Variants in SLC27A1 observed in about 807,000 individuals in gnomAD.
SLC27A1 encodes the protein solute carrier family 27 member 1, also known as long-chain fatty acid transport protein 1.
SLC27A1 carries 61 observed loss-of-function variants against 62.2 expected under a neutral mutation model. The ratio of observed to expected loss-of-function variants is 0.98; its 90% CI spans 0.80 to 1.21. SLC27A1 has a LOEUF of 1.21. Among genes scored for constraint, SLC27A1 ranks in the 50% most tolerant of loss-of-function variants. The pLI is 0.00. For missense variants in SLC27A1, 903 were observed against 932.1 expected, an observed-to-expected ratio of 0.97 and a Z score of 0.41; for synonymous variants, 435 against 408.6, an observed-to-expected ratio of 1.06 and a Z score of -0.78.
intron 1 of SLC27A1, among the ~76,000 whole-genome samples, chr19:17,484,890 C>A (rs1399114694): frequency 6.6e-6 from 1 of 152,100 alleles, no homozygotes; most frequent in Non-Finnish European, 1.5e-5. Flanking sequence ...GATTTTGATG[C>A]AGAAGCTGGA....
At chr19:17,477,599 C>A (rs1480514453) in intron 1 of SLC27A1, among the ~76,000 whole-genome samples, 2 of 151,564 alleles carry the variant, frequency 1.3e-5, no homozygotes, top group African/African-American at 2.4e-5. Context: ...ATTGCCCAGG[C>A]TGGAGTGCAG....
chr19:17,501,012 G>A (rs534360395), intron 10 of SLC27A1, 136 bp downstream of exon 10: 1 of 1,139,004 alleles, frequency 8.8e-7, no homozygotes, highest in South Asian at 1.6e-5. Context: ...AGGAAGCACT[G>A]GATCTGGAGC....
At chr19:17,500,246 G>A (rs962342840) in intron 7 of SLC27A1, 32 bp from the exon 8 acceptor site, 13 of 1,606,780 alleles carry the variant, frequency 8.1e-6, no homozygotes, top group Middle Eastern at 1.7e-4. Context: ...GCATATCCCC[G>A]GCTCCTTCCA....
At chr19:17,500,092 T>G in intron 7 of SLC27A1, 186 bp from the exon 8 acceptor site, 1 of 865,292 alleles carries the variant, frequency 1.2e-6, no homozygotes. Flanking sequence ...GCTGGGAAGG[T>G]GGGAGGAGGG....
intron 1 of SLC27A1, among the ~76,000 whole-genome samples, chr19:17,481,224 G>C (rs1302940648): frequency 6.6e-6 from 1 of 151,820 alleles, no homozygotes; most frequent in Non-Finnish European, 1.5e-5. Flanking sequence ...TGGGCCCGGC[G>C]GTGTTTGGAT....
In SLC27A1 at chr19:17,487,296, A is replaced by G. The variant is rs374057877; in HGVS notation, c.685A>G (p.Thr229Ala). 2 of 1,613,284 alleles carry G rather than the reference A, an allele frequency of 1.2e-6. No homozygotes were observed. Among genetic ancestry groups the G allele is most frequent in the Non-Finnish European group, 1.7e-6 (2 of 1,179,732 alleles). ...LLDPLLKEAS[T>A]APLAQIPSKG... ...GGACCCGCTGCTGAAGGAGGCCTCTACTGCCCCCTTGGCACAGATCCCCAG... is the reference window on the plus strand; with the variant it reads ...GGACCCGCTGCTGAAGGAGGCCTCTGCTGCCCCCTTGGCACAGATCCCCAG... The change falls in exon 3 of 12, where the codon ACT (threonine) becomes GCT (alanine). Residue 229 changes from threonine (T) to alanine (A), a missense_variant. Transcript: ENST00000252595.
intron 6 of SLC27A1, chr19:17,489,731 G>T: frequency 6.5e-6 from 1 of 152,984 alleles, no homozygotes. Flanking sequence ...TGCTGTCCCG[G>T]AGAGGAGAGC....
intron 1 of SLC27A1, 125 bp downstream of exon 1, chr19:17,470,832 G>T: frequency 1.2e-6 from 1 of 824,138 alleles, no homozygotes. Flanking sequence ...TTTGTAGGTT[G>T]GGGGCGGGGC....
chr19:17,502,830 C>T (rs1188564833), intron 11 of SLC27A1, among the ~76,000 whole-genome samples: 5 of 151,138 alleles, frequency 3.3e-5, no homozygotes, highest in African/African-American at 9.8e-5. Context: ...GGACTACAGG[C>T]AGGCACCACC....
In SLC27A1 at chr19:17,501,414, C is replaced by T; in HGVS notation, c.1778C>T (p.Thr593Ile). Residue 593 changes from threonine (T) to isoleucine (I), a missense_variant, in exon 11 of 12, where the codon ACC (threonine) becomes ATC (isoleucine). Transcript: ENST00000252595. ...IFLRLLPQVD[T>I]TGTFKIQKTR... is the part of the protein sequence containing the mutation. ...CTGCGCCTCCTGCCCCAGGTGGACA[C>T]CACAGGTGCGAGTCTCCCCCACTCC... 1.2e-6 allele frequency: 2 copies of T among 1,612,736 alleles called. No homozygotes were observed. Among genetic ancestry groups the T allele is most frequent in the Non-Finnish European group, 1.7e-6 (2 of 1,179,628 alleles).
chr19:17,500,616 C>G lies in SLC27A1; in HGVS notation c.1455C>G (p.Asp485Glu). The change falls in exon 9 of 12, where the codon GAC becomes GAG. Residue 485 changes from aspartate (D) to glutamate (E), a missense_variant. Transcript: ENST00000252595. ...CCCACAGCGTCTTCAGCAAGGGCGA[C>G]AGCGCCTACCTCTCAGGTGCGCAGC... ...KIAHSVFSKG[D>E]SAYLSGDVLV... 6.2e-7 allele frequency: 1 copy of G among 1,613,812 alleles called. No homozygotes were observed. Among genetic ancestry groups the G allele is most frequent in the Non-Finnish European group, 8.5e-7 (1 of 1,179,990 alleles).
rs980581641 is a variant in SLC27A1 at position 17,487,531 on chromosome 19, T to G, written c.794+2T>G. The stretch of plus-strand genomic sequence containing the variant: ...GGCTGCCATTGTCGTGCACAGCAGG[T>G]GAGGGGCCCACAGGCATAATGCCCT... On this transcript the variant is annotated splice_donor_variant, in intron 4 of 11. Transcript: ENST00000252595. LOFTEE classifies it high-confidence loss of function. 1.2e-6 allele frequency: 2 copies of G among 1,610,666 alleles called. No individual in the cohort carries two copies. The highest frequency in any genetic ancestry group is 3.3e-5 in the Admixed American group (2 of 59,852).
chr19:17,501,321 T>C lies in SLC27A1; in HGVS notation c.1685T>C (p.Leu562Pro). ...GMAAVADPHS[L>P]LDPNAIYQEL... ...GCGGCCGTCGCAGACCCCCACAGCCTGCTGGACCCCAACGCGATATACCAG... is the reference window on the plus strand; with the variant it reads ...GCGGCCGTCGCAGACCCCCACAGCCCGCTGGACCCCAACGCGATATACCAG... The change falls in exon 11 of 12, where the codon CTG becomes CCG. Residue 562 changes from leucine to proline, a missense_variant. Physicochemically the swap from Leu to Pro is moderately conservative, Grantham distance 98 (BLOSUM62 -3). Transcript: ENST00000252595. 1 of 1,613,962 alleles carries C rather than the reference T, an allele frequency of 6.2e-7. No homozygotes were observed. The highest frequency in any genetic ancestry group is 1.7e-5 in the Admixed American group (1 of 60,004).
At chr19:17,477,250 T>TG (rs1599641422) in intron 1 of SLC27A1, among the ~76,000 whole-genome samples, 1 of 133,158 alleles carries the variant, frequency 7.5e-6, no homozygotes, top group East Asian at 2.1e-4. Flanking sequence ...CTTTTTTTTT[T>TG]TTTTTTTTTT....
intron 1 of SLC27A1, among the ~76,000 whole-genome samples, chr19:17,471,515 G>C (rs2075076194): frequency 6.6e-6 from 1 of 152,034 alleles, no homozygotes; most frequent in East Asian, 1.9e-4. Flanking sequence ...CAAACGAGCC[G>C]TTGGGGGTCC....
rs1355471802 is a variant in SLC27A1, at chr19:17,486,197, T to G, written c.168-366T>G. On this transcript the variant is annotated intron_variant, in intron 1 of 11. Coordinates refer to ENST00000252595, the MANE Select transcript of SLC27A1 (RefSeq NM_198580.3). The surrounding 1 kb of genome is among the most constrained non-coding windows in gnomAD (Gnocchi z 6.6). ...TGGACCCTGGGGGTCCTGGTTAGGG[T>G]GGTCTGAGCATGAAGAGTCCAGGCT... 6.6e-6 allele frequency among the ~76,000 whole-genome samples: 1 copy of G among 151,798 alleles called. No homozygotes were observed. The highest frequency in any genetic ancestry group is 1.5e-5 in the Non-Finnish European group (1 of 67,910).
intron 1 of SLC27A1, among the ~76,000 whole-genome samples, chr19:17,474,291 T>C (rs1452705263): frequency 6.6e-6 from 1 of 152,206 alleles, no homozygotes; most frequent in Non-Finnish European, 1.5e-5. Flanking sequence ...CTGTGGGCCC[T>C]ATAGGGGCAC....
chr19:17,479,420 G>A (rs2075154395), intron 1 of SLC27A1, among the ~76,000 whole-genome samples: 2 of 151,990 alleles, frequency 1.3e-5, no homozygotes, highest in Non-Finnish European at 1.5e-5. Flanking sequence ...TGCAGCGGGG[G>A]GCCCCATTCT....
intron 1 of SLC27A1, among the ~76,000 whole-genome samples, chr19:17,479,975 C>T (rs1234442394): frequency 6.6e-6 from 1 of 152,060 alleles, no homozygotes; most frequent in Non-Finnish European, 1.5e-5. Context: ...CAGTGAATAG[C>T]ACTGTCATTT....
Sources: allele counts gnomAD v4.1 joint callset (sites outside exome capture counted in the v4.1 genomes callset), GRCh38; gene constraint gnomAD v4.1.1; non-coding constraint Gnocchi (gnomAD v3.1); transcripts MANE v1.5; gene names NCBI Gene and HGNC (gene_info 2026-07-23, HGNC 2026-07-21).